Variants in LRRTM4 observed in about 807,000 individuals in gnomAD.
LRRTM4 encodes leucine-rich repeat transmembrane neuronal protein 4.
Under a neutral mutation model 47.6 loss-of-function variants are expected in LRRTM4, and 25 were observed. That is an observed-to-expected ratio of 0.53 (90% CI 0.38 to 0.73). LRRTM4 has a LOEUF of 0.73. Ranked by LOEUF, LRRTM4 falls within the 30% of genes least tolerant of loss-of-function variation. The probability of loss-of-function intolerance (pLI) is 0.00; values close to 1 mark genes in which losing one functional copy is unlikely to be tolerated. For missense variants in LRRTM4, 638 were observed against 713.4 expected (o/e 0.89, Z 1.20); for synonymous variants, 311 against 269.5 (o/e 1.15, Z -1.51).
chr2:76,967,009 A>G (rs941680463), intron 3 of LRRTM4, among the ~76,000 whole-genome samples: 1 of 151,484 alleles, frequency 6.6e-6, no homozygotes, highest in African/African-American at 2.4e-5. Context: ...AAACTGCCAA[A>G]TCACCTATCA....
chr2:76,953,177 A>T (rs1675554293), intron 3 of LRRTM4, among the ~76,000 whole-genome samples: 2 of 151,842 alleles, frequency 1.3e-5, no homozygotes. Context: ...GTAAAAAAAA[A>T]AATAGTATAC....
chr2:76,949,782 G>A (rs555052975), intron 3 of LRRTM4, among the ~76,000 whole-genome samples: 4 of 151,978 alleles, frequency 2.6e-5, no homozygotes, highest in African/African-American at 9.6e-5. Flanking sequence ...TCACATTATT[G>A]ATTTTGGTGT....
At chr2:76,998,353 TACTC>T (rs938114808) in intron 3 of LRRTM4, among the ~76,000 whole-genome samples, 24 of 152,206 alleles carry the variant, frequency 1.6e-4, no homozygotes, top group African/African-American at 5.5e-4. Flanking sequence ...ATTTGGATCA[TACTC>T]ACAGCTGCCA....
At chr2:77,066,029 G>T (rs897968443) in intron 3 of LRRTM4, among the ~76,000 whole-genome samples, 1 of 152,106 alleles carries the variant, frequency 6.6e-6, no homozygotes, top group Non-Finnish European at 1.5e-5. Context: ...TCAGGATGGT[G>T]CAATAGAAGC....
chr2:77,518,578 C>A lies in LRRTM4; in HGVS notation c.1291G>T (p.Ala431Ser), dbSNP rs745621861. The A allele has an allele frequency of 6.2e-7, 1 of 1,613,406 alleles. No homozygotes were observed. Among genetic ancestry groups the A allele is most frequent in the Non-Finnish European group, 8.5e-7 (1 of 1,179,622 alleles). The change falls in exon 3 of 4, where the codon GCT becomes TCT. Residue 431 changes from alanine to serine, a missense_variant. Physicochemically the swap from Ala to Ser is moderately conservative, Grantham distance 99. Coordinates refer to ENST00000409884, the MANE Select transcript of LRRTM4 (RefSeq NM_001134745.3). ...ATCATGGCCACTGAGAGAAAGAGAGCCACACTCCCGGCAATAATTTTGTGA... is the reference window on the plus strand; with the variant it reads ...ATCATGGCCACTGAGAGAAAGAGAGACACACTCCCGGCAATAATTTTGTGA... ...SFHKIIAGSVALFLSVAMILL... is the reference protein window; with the variant it reads ...SFHKIIAGSVSLFLSVAMILL...
chr2:77,447,641 A>G (rs965366338), intron 3 of LRRTM4, among the ~76,000 whole-genome samples: 6 of 152,116 alleles, frequency 3.9e-5, no homozygotes, highest in Admixed American at 1.3e-4. Flanking sequence ...ATTTTTAACC[A>G]TTCAACACGT....
At chr2:77,179,361 A>G (rs1474686993) in intron 3 of LRRTM4, among the ~76,000 whole-genome samples, 1 of 152,176 alleles carries the variant, frequency 6.6e-6, no homozygotes, top group Non-Finnish European at 1.5e-5. Flanking sequence ...TCAATGAACA[A>G]AGTCAGAATA....
At chr2:77,141,993 A>T (rs1672136194) in intron 3 of LRRTM4, among the ~76,000 whole-genome samples, 1 of 152,148 alleles carries the variant, frequency 6.6e-6, no homozygotes, top group East Asian at 1.9e-4. Context: ...ATTCACATTT[A>T]TGAGCAGTGC....
chr2:77,066,277 A>C (rs1478948374), intron 3 of LRRTM4, among the ~76,000 whole-genome samples: 1 of 151,858 alleles, frequency 6.6e-6, no homozygotes, highest in Non-Finnish European at 1.5e-5. Context: ...AAACTGGGTT[A>C]ATCATAGAAC....
At position 76,797,963 on chromosome 2, in the gene LRRTM4, A is replaced by C. The variant is rs564246245; in HGVS notation, c.1552-49047T>G. On this transcript the variant is annotated intron_variant, in intron 3 of 3. Transcript: ENST00000409884. ...CAATACAGGAGCATCCAGATTCATA[A>C]AGCAAGTCCTGAGTGACCTACAAAG... 6.0e-5 allele frequency among the ~76,000 whole-genome samples: 9 copies of C among 149,516 alleles called. No homozygotes were observed. The South Asian group carries it at 1.9e-3, about 32-fold the overall frequency.
chr2:76,806,847 A>C (rs114717326), intron 3 of LRRTM4, among the ~76,000 whole-genome samples: 3 of 152,136 alleles, frequency 2.0e-5, no homozygotes, highest in Non-Finnish European at 4.4e-5. Context: ...GTACTTAGAA[A>C]AGATAAATGT....
chr2:77,151,533 T>C (rs78014322), intron 3 of LRRTM4, among the ~76,000 whole-genome samples: 4,320 of 152,282 alleles, frequency 0.028, 82 homozygotes, highest in Admixed American at 0.058. Flanking sequence ...AACCCAAGTG[T>C]TCATCAACAG....
intron 3 of LRRTM4, among the ~76,000 whole-genome samples, chr2:76,909,927 AG>A (rs1289664859): frequency 1.3e-5 from 2 of 152,216 alleles, no homozygotes; most frequent in Non-Finnish European, 2.9e-5. Context: ...CCATTGTGGA[AG>A]TCAGTGTGGT....
intron 3 of LRRTM4, among the ~76,000 whole-genome samples, chr2:76,795,594 C>CATATATATATAT (rs59362311): frequency 1.3e-5 from 2 of 151,598 alleles, no homozygotes; most frequent in East Asian, 2.0e-4. Flanking sequence ...CACACACATA[C>CATATATATATAT]ACACACACTA....
chr2:76,937,016 T>C (rs1329699446), intron 3 of LRRTM4, among the ~76,000 whole-genome samples: 1 of 126,436 alleles, frequency 7.9e-6, no homozygotes, highest in African/African-American at 3.0e-5. Flanking sequence ...AAACATATCA[T>C]CTTATCAGTA....
chr2:77,366,322 T>A, intron 3 of LRRTM4, among the ~76,000 whole-genome samples: 1 of 151,856 alleles, frequency 6.6e-6, no homozygotes, highest in East Asian at 1.9e-4. Flanking sequence ...CAAGACACGT[T>A]TTTGTCCCTA....
At chr2:76,795,578 T>C (rs918147117) in intron 3 of LRRTM4, among the ~76,000 whole-genome samples, 1 of 98,874 alleles carries the variant, frequency 1.0e-5, no homozygotes, top group Non-Finnish European at 1.9e-5. Context: ...TGCATATATA[T>C]GCACACACAC....
chr2:76,887,535 T>C (rs1459556725), intron 3 of LRRTM4, among the ~76,000 whole-genome samples: 2 of 142,196 alleles, frequency 1.4e-5, no homozygotes, highest in Non-Finnish European at 3.1e-5. Flanking sequence ...TGATTTTTTA[T>C]CTCCCATTGA....
intron 3 of LRRTM4, among the ~76,000 whole-genome samples, chr2:77,058,659 T>A (rs1395255038): frequency 6.6e-6 from 1 of 152,116 alleles, no homozygotes; most frequent in Non-Finnish European, 1.5e-5. Context: ...TTTGCTTGAT[T>A]AAAACCAGAA....
Sources: allele counts gnomAD v4.1 joint callset (sites outside exome capture counted in the v4.1 genomes callset), GRCh38; gene constraint gnomAD v4.1.1; transcripts MANE v1.5; gene names NCBI Gene and HGNC (gene_info 2026-07-23, HGNC 2026-07-21).